Variants in ADGRB3 observed in about 807,000 individuals in gnomAD.
ADGRB3 encodes brain-specific angiogenesis inhibitor 3.
Under a neutral mutation model 193.4 loss-of-function variants are expected in ADGRB3, and 37 were observed. The ratio of observed to expected loss-of-function variants is 0.19; its 90% CI spans 0.15 to 0.25. ADGRB3 has a LOEUF of 0.25. Ranked by LOEUF, ADGRB3 falls within the 10% of genes least tolerant of loss-of-function variation. ADGRB3 has a pLI of 1.00. For synonymous variants in ADGRB3, 690 were observed against 644.2 expected, an observed-to-expected ratio of 1.07 and a Z score of -1.08; for missense variants, 1,637 against 1,852.9, an observed-to-expected ratio of 0.88 and a Z score of 2.14.
chr6:69,180,318 A>T (rs769311473), intron 17 of ADGRB3, among the ~76,000 whole-genome samples: 1 of 152,222 alleles, frequency 6.6e-6, no homozygotes, highest in East Asian at 1.9e-4. Flanking sequence ...CTGCCTGGGC[A>T]TGGAGCAGAA....
chr6:69,292,693 G>A (rs1053765586), intron 20 of ADGRB3, among the ~76,000 whole-genome samples: 1 of 151,886 alleles, frequency 6.6e-6, no homozygotes, highest in Non-Finnish European at 1.5e-5. Context: ...AGAAGTCAGA[G>A]TACTTCTCTC....
chr6:68,906,698 G>C (rs1766558474), intron 3 of ADGRB3, among the ~76,000 whole-genome samples: 1 of 151,918 alleles, frequency 6.6e-6, no homozygotes, highest in African/African-American at 2.4e-5. Context: ...TGCTATTGCA[G>C]TTTATGTTAT....
At chr6:69,335,334 A>T (rs2127316873) in intron 24 of ADGRB3, among the ~76,000 whole-genome samples, 1 of 152,242 alleles carries the variant, frequency 6.6e-6, no homozygotes, top group South Asian at 2.1e-4. Context: ...AGTTATTCTA[A>T]ACATATTCTT....
At chr6:69,239,613 A>G (rs369733587) in intron 20 of ADGRB3, among the ~76,000 whole-genome samples, 5 of 152,008 alleles carry the variant, frequency 3.3e-5, no homozygotes, top group African/African-American at 4.8e-5. Flanking sequence ...ATTGATTCCT[A>G]AAAGGTAACT....
At chr6:68,909,645 T>G (rs1766645398) in intron 3 of ADGRB3, among the ~76,000 whole-genome samples, 1 of 152,200 alleles carries the variant, frequency 6.6e-6, no homozygotes, top group Admixed American at 6.5e-5. Context: ...CATTTGATAG[T>G]AACTTTGTCA....
At chr6:68,989,753 C>G (rs1449023565) in intron 10 of ADGRB3, among the ~76,000 whole-genome samples, 2 of 152,178 alleles carry the variant, frequency 1.3e-5, no homozygotes, top group Admixed American at 6.5e-5. Flanking sequence ...ACATGACATA[C>G]TAACAAGATT....
chr6:69,053,460 A>G (rs185971698), intron 15 of ADGRB3, among the ~76,000 whole-genome samples: 1 of 152,330 alleles, frequency 6.6e-6, no homozygotes, highest in East Asian at 1.9e-4. Context: ...GCACATGAGT[A>G]TATCTGTATC....
chr6:68,923,846 G>T (rs1444163267), intron 3 of ADGRB3, among the ~76,000 whole-genome samples: 1 of 151,950 alleles, frequency 6.6e-6, no homozygotes, highest in East Asian at 1.9e-4. Context: ...ACCATCCAGG[G>T]ACAATTCAGT....
intron 10 of ADGRB3, among the ~76,000 whole-genome samples, chr6:68,990,464 A>G (rs991546873): frequency 1.3e-5 from 2 of 152,120 alleles, no homozygotes; most frequent in African/African-American, 4.8e-5. Flanking sequence ...TGGTGTTGTC[A>G]TCTGGGCACC....
chr6:68,849,152 A>G (rs1467959685), intron 3 of ADGRB3, among the ~76,000 whole-genome samples: 3 of 151,976 alleles, frequency 2.0e-5, no homozygotes, highest in Non-Finnish European at 4.4e-5. Flanking sequence ...ATGGTTCTTG[A>G]ATCATGAAAA....
rs574484851 is a variant in ADGRB3 at position 69,119,285 on chromosome 6, TATTC to T, written c.2480+43257_2480+43260del. Among the ~76,000 whole-genome samples, 616 of 152,342 alleles carry T rather than the reference TATTC, an allele frequency of 4.0e-3. 2 individuals carry two copies. The highest frequency in any genetic ancestry group is 6.2e-3 in the Non-Finnish European group (424 of 68,018). ...AAAATGTTAGATGAAGAGAATGAAT[TATTC>T]ATTCATTCAGCAAATATTTCCTTCT... On this transcript the variant is annotated intron_variant, in intron 17 of 31. Transcript: ENST00000370598.
intron 20 of ADGRB3, among the ~76,000 whole-genome samples, chr6:69,270,588 T>G (rs1441058177): frequency 2.6e-5 from 4 of 152,324 alleles, no homozygotes; most frequent in South Asian, 4.1e-4. Context: ...TACATTTTAC[T>G]GAAGAGGAAA....
In ADGRB3 at chr6:69,303,203, TC is replaced by T. The variant is rs139159377; in HGVS notation, c.2815-21667del. Among the ~76,000 whole-genome samples the T allele has an allele frequency of 2.1e-3, 321 of 151,882 alleles. 2 individuals are homozygous for T. Among genetic ancestry groups the T allele is most frequent in the Middle Eastern group, 3.4e-3 (1 of 294 alleles). On this transcript the variant is annotated intron_variant, in intron 20 of 31. Coordinates refer to ENST00000370598, the MANE Select transcript of ADGRB3 (RefSeq NM_001704.3). ...CTTTTGGCTTCTTTTACAACATGGA[TC>T]CTTATATGAGATGAACACTGAAACT...
intron 10 of ADGRB3, among the ~76,000 whole-genome samples, chr6:68,977,323 TC>T (rs973917061): frequency 1.3e-5 from 2 of 152,058 alleles, no homozygotes; most frequent in Non-Finnish European, 2.9e-5. Flanking sequence ...CTAATTTTAG[TC>T]ATTAGACTTT....
chr6:68,766,241 A>T (rs1766506042), intron 3 of ADGRB3, among the ~76,000 whole-genome samples: 1 of 151,674 alleles, frequency 6.6e-6, no homozygotes, highest in South Asian at 2.1e-4. Flanking sequence ...TTTTTAGCTT[A>T]TTTCATTGAA....
intron 11 of ADGRB3, among the ~76,000 whole-genome samples, chr6:69,012,563 G>A (rs960661806): frequency 7.2e-5 from 11 of 152,006 alleles, no homozygotes; most frequent in African/African-American, 2.4e-4. Flanking sequence ...AAAATGGCTG[G>A]TAGTACAAAA....
intron 20 of ADGRB3, among the ~76,000 whole-genome samples, chr6:69,299,493 T>A (rs894215417): frequency 6.6e-6 from 1 of 151,898 alleles, no homozygotes; most frequent in African/African-American, 2.4e-5. Context: ...CAGAGCAATG[T>A]CCAGTAGTTC....
intron 13 of ADGRB3, among the ~76,000 whole-genome samples, chr6:69,023,184 A>C (rs953157080): frequency 6.6e-6 from 1 of 152,120 alleles, no homozygotes; most frequent in African/African-American, 2.4e-5. Flanking sequence ...GCCTTTGCTG[A>C]ATGACTCAGG....
At chr6:69,233,647 T>A (rs1342203123) in intron 18 of ADGRB3, among the ~76,000 whole-genome samples, 5 of 152,192 alleles carry the variant, frequency 3.3e-5, no homozygotes, top group African/African-American at 1.2e-4. Flanking sequence ...TGCAGTGTAG[T>A]TTCAAGGATG....
Sources: allele counts gnomAD v4.1 joint callset (sites outside exome capture counted in the v4.1 genomes callset), GRCh38; gene constraint gnomAD v4.1.1; transcripts MANE v1.5; gene names NCBI Gene and HGNC (gene_info 2026-07-23, HGNC 2026-07-21).